Variants in FOXN4 observed in about 807,000 individuals in gnomAD.
FOXN4 encodes the protein forkhead box protein N4.
In FOXN4, 12 loss-of-function variants were observed where a neutral mutation model predicts 45.0. The observed-to-expected ratio is 0.27, with a 90% CI of 0.17 to 0.43. FOXN4 has a LOEUF of 0.43. Among genes scored for constraint, FOXN4 ranks in the 20% least tolerant of loss-of-function variants. The pLI, the probability that FOXN4 is intolerant of heterozygous loss-of-function variation, is 1.00. For synonymous variants in FOXN4, 297 were observed against 295.0 expected, an observed-to-expected ratio of 1.01 and a Z score of -0.07; for missense variants, 560 against 694.9, an observed-to-expected ratio of 0.81 and a Z score of 2.18.
rs149743816 is a variant in FOXN4, at chr12:109,294,187, C to T, written c.87-3901G>A. Among the ~76,000 whole-genome samples the T allele has an allele frequency of 2.9e-3, 437 of 152,258 alleles. 4 individuals carry two copies. Among genetic ancestry groups the T allele is most frequent in the African/African-American group, 9.7e-3 (404 of 41,552 alleles). ...TGCAGAGTTGGGGCCCCAGCTCAGA[C>T]CCTGAAGCCCCACCCTTGGGACTTC... On this transcript the variant is annotated intron_variant, in intron 2 of 9. Transcript: ENST00000299162.
At chr12:109,284,791 G>A (rs2047688619) in intron 8 of FOXN4, among the ~76,000 whole-genome samples, 1 of 151,060 alleles carries the variant, frequency 6.6e-6, no homozygotes. Context: ...GTGTGTGTGC[G>A]CACATGCTGT....
At chr12:109,308,366 C>T (rs2047939464) in intron 1 of FOXN4, 42 bp from the exon 2 acceptor site, 3 of 1,420,600 alleles carry the variant, frequency 2.1e-6, no homozygotes, top group South Asian at 1.2e-5. Context: ...CCATCAGCGA[C>T]GATATGGACA....
intron 2 of FOXN4, among the ~76,000 whole-genome samples, chr12:109,304,252 AAAG>A (rs1408728902): frequency 1.0e-5 from 1 of 98,422 alleles, no homozygotes; most frequent in Non-Finnish European, 2.1e-5. Flanking sequence ...AGAAAGAAAG[AAAG>A]AAAGAAAGAA....
At chr12:109,295,620 T>C (rs2136935843) in intron 2 of FOXN4, among the ~76,000 whole-genome samples, 1 of 152,338 alleles carries the variant, frequency 6.6e-6, no homozygotes, top group South Asian at 2.1e-4. Flanking sequence ...ACCCTGTCTC[T>C]ACTAAAAATA....
intron 8 of FOXN4, among the ~76,000 whole-genome samples, chr12:109,283,060 C>A (rs977359558): frequency 6.6e-6 from 1 of 152,040 alleles, no homozygotes; most frequent in Non-Finnish European, 1.5e-5. Flanking sequence ...ATTCCTACAC[C>A]GCATGGTGAT....
intron 2 of FOXN4, among the ~76,000 whole-genome samples, chr12:109,304,007 A>G (rs532004618): frequency 1.3e-5 from 2 of 151,948 alleles, no homozygotes; most frequent in East Asian, 3.9e-4. Flanking sequence ...CCTGGACAAT[A>G]TGGTGAAACC....
At chr12:109,298,430 C>T (rs1274352571) in intron 2 of FOXN4, among the ~76,000 whole-genome samples, 1 of 149,334 alleles carries the variant, frequency 6.7e-6, no homozygotes, top group Admixed American at 6.7e-5. Flanking sequence ...GGCATGATCT[C>T]GGCTCACTGC....
intron 2 of FOXN4, among the ~76,000 whole-genome samples, chr12:109,292,543 G>A (rs2047778862): frequency 6.6e-6 from 1 of 152,198 alleles, no homozygotes; most frequent in Non-Finnish European, 1.5e-5. Flanking sequence ...TATCGCATAG[G>A]ATGTCATAAG....
At chr12:109,292,750 A>G (rs576287183) in intron 2 of FOXN4, among the ~76,000 whole-genome samples, 5 of 152,242 alleles carry the variant, frequency 3.3e-5, no homozygotes, top group African/African-American at 1.2e-4. Flanking sequence ...CTACCACTAA[A>G]CACGCCCATG....
intron 8 of FOXN4, among the ~76,000 whole-genome samples, chr12:109,283,926 T>G (rs1201895671): frequency 6.6e-6 from 1 of 152,258 alleles, no homozygotes; most frequent in Non-Finnish European, 1.5e-5. Flanking sequence ...TTGTGATGGA[T>G]AACTTTGTTC....
At chr12:109,307,505 TCA>T (rs879304061) in intron 2 of FOXN4, among the ~76,000 whole-genome samples, 1 of 152,134 alleles carries the variant, frequency 6.6e-6, no homozygotes, top group Admixed American at 6.5e-5. Flanking sequence ...TTTCTTGGCC[TCA>T]GTTTCCCCAA....
intron 2 of FOXN4, among the ~76,000 whole-genome samples, chr12:109,301,712 T>C (rs1254349720): frequency 6.6e-6 from 1 of 152,160 alleles, no homozygotes; most frequent in Admixed American, 6.5e-5. Context: ...AATACTTATT[T>C]TGCAATGAGA....
At chr12:109,305,959 C>CG (rs1046787802) in intron 2 of FOXN4, among the ~76,000 whole-genome samples, 1 of 152,068 alleles carries the variant, frequency 6.6e-6, no homozygotes, top group Non-Finnish European at 1.5e-5. Context: ...CTGCTTGCCC[C>CG]GCCCTGTTTT....
Position 109,288,949 on chromosome 12 carries a change from A to G in FOXN4, c.233-769T>C, listed in dbSNP as rs147785785. On this transcript the variant is annotated intron_variant, in intron 3 of 9. Coordinates refer to ENST00000299162, the MANE Select transcript of FOXN4 (RefSeq NM_213596.3). The surrounding 1 kb of genome is among the most constrained non-coding windows in gnomAD (Gnocchi z 4.3). ...TGACCAGATCATCAGCTTTCTAAGA[A>G]CTGGGACCACAACTTATATCATTCA... 2.1e-3 allele frequency among the ~76,000 whole-genome samples: 327 copies of G among 152,302 alleles called. 1 individual carries two copies. The highest frequency in any genetic ancestry group is 7.2e-3 in the African/African-American group (300 of 41,560).
rs1038568770 is a variant in FOXN4 at position 109,280,023 on chromosome 12, G to T, written c.1295-93C>A. ...CTTAGGGAAGAGGCAGAGACCATGT[G>T]TGGTGTCTAAGTCATGTGTTGTAGA... On this transcript the variant is annotated intron_variant, in intron 9 of 9. Transcript: ENST00000299162. 7.9e-6 allele frequency: 12 copies of T among 1,528,476 alleles called. No homozygotes were observed. The East Asian group carries it at 2.7e-4, about 34-fold the overall frequency. 94.7% of individuals were successfully genotyped at this position (1,528,476 alleles called of 1,614,324 possible). A position where few individuals can be genotyped will look rare whatever the true frequency, so the allele number is the denominator to read the frequency against.
rs1431157170 is a variant in FOXN4, at chr12:109,290,347, C to A, written c.87-61G>T. 2.7e-6 allele frequency: 4 copies of A among 1,464,446 alleles called. No individual in the cohort carries two copies. The highest frequency in any genetic ancestry group is 3.6e-6 in the Non-Finnish European group (4 of 1,102,162). 90.7% of individuals were successfully genotyped at this position (1,464,446 alleles called of 1,614,324 possible). On this transcript the variant is annotated intron_variant, in intron 2 of 9. Coordinates refer to ENST00000299162, the MANE Select transcript of FOXN4 (RefSeq NM_213596.3). The surrounding 1 kb of genome is among the most constrained non-coding windows in gnomAD (Gnocchi z 5.1). ...GAGCTTAGGCCAGCTCCTGGGGGTG[C>A]GTCCCGACCTCTGGAAGCACCCGCT... is the stretch of plus-strand genomic sequence containing the variant.
Position 109,281,460 on chromosome 12 carries a change from A to G in FOXN4, c.1241T>C (p.Met414Thr), listed in dbSNP as rs763831367. 8 of 1,613,804 alleles carry G rather than the reference A, an allele frequency of 5.0e-6. No individual in the cohort carries two copies. Among genetic ancestry groups the G allele is most frequent in the Non-Finnish European group, 5.9e-6 (7 of 1,179,876 alleles). Residue 414 changes from methionine to threonine, a missense_variant, in exon 9 of 10, where the codon ATG (methionine) becomes ACG (threonine). This residue lies in a region of FOXN4 where 315 missense variants were observed against 350.5 expected (regional missense o/e 0.90). Coordinates refer to ENST00000299162, the MANE Select transcript of FOXN4 (RefSeq NM_213596.3). ...PVDFINISTD[M>T]NTEVDALDPS... Reference sequence around the variant, plus strand: ...GTCGAGGGCATCCACCTCAGTGTTCATGTCGGTGCTGATGTTGATGAAGTC... The same window carrying G: ...GTCGAGGGCATCCACCTCAGTGTTCGTGTCGGTGCTGATGTTGATGAAGTC...
At chr12:109,295,337 C>T (rs551512498) in intron 2 of FOXN4, among the ~76,000 whole-genome samples, 98 of 152,342 alleles carry the variant, frequency 6.4e-4, no homozygotes, top group Middle Eastern at 3.4e-3. Context: ...CTGGGCTCTC[C>T]TCCCAAGGCC....
rs939046115 is a variant in FOXN4, at chr12:109,308,226, G to A, written c.86+10C>T. ...AAAAATATATAGTTTGTTATTGTTG[G>A]AGCCCTCACCTGTATTCCTGTGGAG... On this transcript the variant is annotated intron_variant, in intron 2 of 9. Transcript: ENST00000299162. 1.3e-5 allele frequency: 20 copies of A among 1,540,114 alleles called. No individual in the cohort carries two copies. The highest frequency in any genetic ancestry group is 1.8e-5 in the Non-Finnish European group (20 of 1,139,642).
Sources: gnomAD v4.1 joint callset for allele counts (sites outside exome capture counted in the v4.1 genomes callset) on GRCh38, gnomAD v4.1.1 for gene constraint, gnomAD v4.1.1 regional missense constraint, Gnocchi (gnomAD v3.1) non-coding constraint, MANE v1.5 for transcripts, NCBI Gene and HGNC (gene_info 2026-07-23, HGNC 2026-07-21) for gene names.